The following RAB6B variants were observed in gnomAD, a reference collection of about 807,000 sequenced individuals.
RAB6B encodes RAB6B, member RAS oncogene family, also known as ras-related protein Rab-6B.
In RAB6B, 7 loss-of-function variants were observed where a neutral mutation model predicts 31.2. The ratio of observed to expected loss-of-function variants is 0.22; its 90% confidence interval spans 0.13 to 0.42. The LOEUF is 0.42. Ranked by LOEUF, RAB6B falls within the 10% of genes least tolerant of loss-of-function variation. RAB6B has a pLI of 1.00. For synonymous variants in RAB6B, 105 were observed against 104.9 expected, an observed-to-expected ratio of 1.00 and a Z score of -0.01; for missense variants, 149 against 280.6, an observed-to-expected ratio of 0.53 and a Z score of 3.35.
At chr3:133,828,930 T>G in intron 7 of RAB6B, 78 bp from the exon 8 acceptor site, 4 of 1,313,324 alleles carry the variant, frequency 3.0e-6, no homozygotes, top group South Asian at 2.8e-5. Context: ...CTGTACCCTT[T>G]GGCTACTGCT....
intron 2 of RAB6B, among the ~76,000 whole-genome samples, chr3:133,854,030 T>C (rs1161750778): frequency 2.0e-5 from 3 of 152,226 alleles, no homozygotes; most frequent in Non-Finnish European, 4.4e-5. Context: ...CTACATATTC[T>C]AGCCCTGAGT....
chr3:133,886,966 G>A (rs1337882302), intron 1 of RAB6B, among the ~76,000 whole-genome samples: 1 of 151,954 alleles, frequency 6.6e-6, no homozygotes, highest in Non-Finnish European at 1.5e-5. Context: ...CCATTCAGCA[G>A]AGGGGTGGGC....
In RAB6B at chr3:133,857,395, T is replaced by C. The variant is rs141377793; in HGVS notation, c.129+7189A>G. ...CTCCCAGCGAAGTGGGACTTGAACC[T>C]GGGGCTTAAACCTAGGCCTCTTTTT... is the stretch of plus-strand genomic sequence containing the variant. On this transcript the variant is annotated intron_variant, in intron 2 of 7. Coordinates refer to ENST00000285208, the MANE Select transcript of RAB6B (RefSeq NM_016577.4). Among the ~76,000 whole-genome samples, 247 of 140,964 alleles carry C rather than the reference T, an allele frequency of 1.8e-3. 2 individuals are homozygous for C. The highest frequency in any genetic ancestry group is 6.5e-3 in the African/African-American group (241 of 37,320). 92.5% of individuals were successfully genotyped at this position (140,964 alleles called of 152,430 possible).
chr3:133,863,424 T>G (rs973945032), intron 2 of RAB6B, among the ~76,000 whole-genome samples: 1 of 152,184 alleles, frequency 6.6e-6, no homozygotes, highest in Non-Finnish European at 1.5e-5. Flanking sequence ...CTCCACATAC[T>G]CTGTAAATCC....
At chr3:133,830,347 C>T (rs763862271) in intron 7 of RAB6B, among the ~76,000 whole-genome samples, 3 of 152,238 alleles carry the variant, frequency 2.0e-5, no homozygotes, top group South Asian at 2.1e-4. Flanking sequence ...AAAGTGTCCA[C>T]GGATTTCTCA....
At chr3:133,860,582 G>A (rs937209266) in intron 2 of RAB6B, among the ~76,000 whole-genome samples, 10 of 152,214 alleles carry the variant, frequency 6.6e-5, no homozygotes, top group East Asian at 3.8e-4. Context: ...AGGGCGGAGC[G>A]GCAGGAATGC....
intron 1 of RAB6B, among the ~76,000 whole-genome samples, chr3:133,881,812 A>G (rs1936470050): frequency 6.6e-6 from 1 of 152,246 alleles, no homozygotes. Context: ...TGGACACTCC[A>G]ATGTCTTCTG....
chr3:133,856,647 G>A (rs757952317), intron 2 of RAB6B, among the ~76,000 whole-genome samples: 6 of 152,208 alleles, frequency 3.9e-5, no homozygotes, highest in African/African-American at 7.2e-5. Flanking sequence ...TACATTTAAT[G>A]AGTGGAATGG....
intron 1 of RAB6B, chr3:133,885,516 G>A (rs1171502032): frequency 1.4e-6 from 1 of 702,848 alleles, no homozygotes; most frequent in African/African-American, 1.7e-5. Context: ...ATGACCAGAG[G>A]ATAGGGGAGC....
chr3:133,881,168 G>A (rs1936461945), intron 1 of RAB6B, among the ~76,000 whole-genome samples: 1 of 152,176 alleles, frequency 6.6e-6, no homozygotes, highest in African/African-American at 2.4e-5. Context: ...GGAGATGGTG[G>A]CCAGGCTCAC....
intron 7 of RAB6B, among the ~76,000 whole-genome samples, chr3:133,830,926 C>T (rs2107985155): frequency 6.6e-6 from 1 of 152,314 alleles, no homozygotes; most frequent in South Asian, 2.1e-4. Context: ...CCCCCTCCCC[C>T]AATTTATGGT....
intron 1 of RAB6B, among the ~76,000 whole-genome samples, chr3:133,868,245 A>G (rs959001020): frequency 2.6e-5 from 4 of 152,274 alleles, no homozygotes; most frequent in African/African-American, 9.6e-5. Context: ...GAACCTGCAA[A>G]TGGAGAACTT....
At chr3:133,845,137 G>C (rs1935890469) in intron 2 of RAB6B, among the ~76,000 whole-genome samples, 1 of 152,188 alleles carries the variant, frequency 6.6e-6, no homozygotes, top group Admixed American at 6.5e-5. Flanking sequence ...GATCATCTCA[G>C]GACTGAGGGT....
At chr3:133,895,333 G>A (rs572011682) in intron 1 of RAB6B, 64 bp downstream of exon 1, 23 of 1,536,032 alleles carry the variant, frequency 1.5e-5, no homozygotes, top group Non-Finnish European at 2.0e-5. Context: ...GTCCCAATGG[G>A]GTGGGCGATT....
chr3:133,890,469 T>C (rs1010026046), intron 1 of RAB6B, among the ~76,000 whole-genome samples: 1 of 152,048 alleles, frequency 6.6e-6, no homozygotes, highest in Admixed American at 6.5e-5. Flanking sequence ...GCCGGGCGTA[T>C]TGGTGTGGGC....
chr3:133,880,892 A>G (rs529559054), intron 1 of RAB6B, among the ~76,000 whole-genome samples: 13 of 152,214 alleles, frequency 8.5e-5, no homozygotes, highest in Non-Finnish European at 5.9e-5. Context: ...AAGAGTAGTG[A>G]TGGCCTTTCC....
intron 5 of RAB6B, among the ~76,000 whole-genome samples, chr3:133,838,751 T>C (rs764983137): frequency 6.6e-6 from 1 of 152,136 alleles, no homozygotes; most frequent in Non-Finnish European, 1.5e-5. Context: ...TGGGTACCCT[T>C]TGTACTGGGA....
Position 133,895,378 on chromosome 3 carries a change from G to T in RAB6B, c.70+19C>A, listed in dbSNP as rs554668745. 34 of 1,608,578 alleles carry T rather than the reference G, an allele frequency of 2.1e-5. No homozygotes were observed. In the South Asian group the frequency reaches 3.1e-4, roughly 15 times the overall value. On this transcript the variant is annotated intron_variant, in intron 1 of 7. Transcript: ENST00000285208. Reference sequence around the variant, plus strand: ...GGGTCGACTCGGCGACAAGCCAAGAGATTAAGCCGGGTACTTACCGCTCTG... The same window carrying T: ...GGGTCGACTCGGCGACAAGCCAAGATATTAAGCCGGGTACTTACCGCTCTG...
chr3:133,833,334 ACT>A (rs1935682882), intron 7 of RAB6B, among the ~76,000 whole-genome samples: 1 of 151,700 alleles, frequency 6.6e-6, no homozygotes, highest in Admixed American at 6.6e-5. Flanking sequence ...ACCAGGAGAT[ACT>A]CCTCAAACCC....
Sources: gnomAD v4.1 joint callset for allele counts (sites outside exome capture counted in the v4.1 genomes callset) on GRCh38, gnomAD v4.1.1 for gene constraint, MANE v1.5 for transcripts, NCBI Gene and HGNC (gene_info 2026-07-23, HGNC 2026-07-21) for gene names.